Variants in HTR1F observed in about 807,000 individuals in gnomAD.
HTR1F encodes the protein 5-hydroxytryptamine receptor 1F.
A neutral mutation model predicts 24.0 loss-of-function variants in HTR1F; 17 were observed. The ratio of observed to expected loss-of-function variants is 0.71; its 90% CI spans 0.48 to 1.06. HTR1F has a LOEUF of 1.06. Ranked by LOEUF, HTR1F falls within the 50% of genes least tolerant of loss-of-function variation. HTR1F has a pLI of 0.00. For missense variants in HTR1F, 391 were observed against 427.8 expected, an observed-to-expected ratio of 0.91 and a Z score of 0.76; for synonymous variants, 186 against 156.8, an observed-to-expected ratio of 1.19 and a Z score of -1.39.
At chr3:87,861,191 A>G (rs76507473) in intron 2 of HTR1F, among the ~76,000 whole-genome samples, 1 of 152,102 alleles carries the variant, frequency 6.6e-6, no homozygotes, top group Non-Finnish European at 1.5e-5. Context: ...TCAAATAGGA[A>G]ACAATTATAT....
intron 1 of HTR1F, among the ~76,000 whole-genome samples, chr3:87,809,169 T>G (rs932834266): frequency 1.8e-4 from 28 of 151,798 alleles, no homozygotes; most frequent in African/African-American, 6.8e-4. Context: ...TATCATCACA[T>G]AAAAGATGGA....
intron 1 of HTR1F, among the ~76,000 whole-genome samples, chr3:87,803,974 A>T (rs1704033970): frequency 6.6e-6 from 1 of 152,158 alleles, no homozygotes; most frequent in Non-Finnish European, 1.5e-5. Flanking sequence ...AACTGGGCGT[A>T]CAAATCCACA....
At chr3:87,933,378 A>T (rs1185265697) in intron 2 of HTR1F, among the ~76,000 whole-genome samples, 1 of 152,004 alleles carries the variant, frequency 6.6e-6, no homozygotes, top group South Asian at 2.1e-4. Flanking sequence ...AGAAGGAAAT[A>T]AAGGGTATTC....
chr3:87,953,958 A>AACTT (rs2107466782), intron 2 of HTR1F, among the ~76,000 whole-genome samples: 1 of 151,908 alleles, frequency 6.6e-6, no homozygotes, highest in South Asian at 2.1e-4. Context: ...TCAATGTTCT[A>AACTT]ACTTACATGT....
chr3:87,955,844 G>A (rs1704932126), intron 2 of HTR1F, among the ~76,000 whole-genome samples: 2 of 151,216 alleles, frequency 1.3e-5, no homozygotes, highest in African/African-American at 4.8e-5. Flanking sequence ...CTTTTGTGAG[G>A]TATCTGTTTA....
intron 2 of HTR1F, among the ~76,000 whole-genome samples, chr3:87,984,030 T>G (rs763409924): frequency 6.6e-6 from 1 of 152,202 alleles, no homozygotes; most frequent in African/African-American, 2.4e-5. Flanking sequence ...TACCATGGCA[T>G]GCAAGCCTCC....
chr3:87,878,400 T>C (rs1353369421), intron 2 of HTR1F, among the ~76,000 whole-genome samples: 1 of 152,176 alleles, frequency 6.6e-6, no homozygotes, highest in Non-Finnish European at 1.5e-5. Context: ...AAATGTCCAA[T>C]TGAAACAGAA....
chr3:87,983,749 C>T (rs754834240), intron 2 of HTR1F, among the ~76,000 whole-genome samples: 24 of 152,126 alleles, frequency 1.6e-4, no homozygotes, highest in Non-Finnish European at 1.9e-4. Flanking sequence ...GCAATATAAA[C>T]CCTAAATTTC....
intron 2 of HTR1F, among the ~76,000 whole-genome samples, chr3:87,827,404 TTTTC>T (rs1057264545): frequency 6.6e-6 from 1 of 152,176 alleles, no homozygotes; most frequent in African/African-American, 2.4e-5. Context: ...CTTATCTGAA[TTTTC>T]TTTGTCAAAC....
intron 2 of HTR1F, among the ~76,000 whole-genome samples, chr3:87,953,884 C>A (rs561160733): frequency 6.6e-6 from 1 of 151,810 alleles, no homozygotes; most frequent in Admixed American, 6.6e-5. Flanking sequence ...TCATTTGCAG[C>A]AACATGGATG....
intron 2 of HTR1F, among the ~76,000 whole-genome samples, chr3:87,898,676 T>C (rs981467657): frequency 2.1e-5 from 3 of 145,240 alleles, no homozygotes; most frequent in African/African-American, 8.4e-5. Flanking sequence ...TAGTTAGATA[T>C]AGTAGCTGAC....
chr3:87,957,764 A>T (rs941537536), intron 2 of HTR1F, among the ~76,000 whole-genome samples: 1 of 151,102 alleles, frequency 6.6e-6, no homozygotes, highest in South Asian at 2.1e-4. Context: ...TTCATTTCTG[A>T]TATTGCTGAT....
At chr3:87,962,883 T>G (rs182192352) in intron 2 of HTR1F, among the ~76,000 whole-genome samples, 202 of 152,152 alleles carry the variant, frequency 1.3e-3, no homozygotes, top group African/African-American at 4.5e-3. Context: ...TCACCAGATA[T>G]TCTCTCTTTG....
intron 2 of HTR1F, among the ~76,000 whole-genome samples, chr3:87,924,532 TTTC>T (rs1704081198): frequency 6.6e-6 from 1 of 152,068 alleles, no homozygotes; most frequent in Non-Finnish European, 1.5e-5. Context: ...GATCTAAGAG[TTTC>T]TTAAGTATTT....
intron 2 of HTR1F, among the ~76,000 whole-genome samples, chr3:87,899,106 T>C (rs564885609): frequency 6.6e-6 from 1 of 152,196 alleles, no homozygotes; most frequent in Non-Finnish European, 1.5e-5. Context: ...TCTTTCAGCC[T>C]TATGAATTTT....
At chr3:87,849,876 A>G (rs1705041067) in intron 2 of HTR1F, among the ~76,000 whole-genome samples, 1 of 151,990 alleles carries the variant, frequency 6.6e-6, no homozygotes, top group Non-Finnish European at 1.5e-5. Flanking sequence ...ATCACTGGCC[A>G]TCAGAGAAAT....
At chr3:87,859,354 A>T (rs570393313) in intron 2 of HTR1F, among the ~76,000 whole-genome samples, 7 of 152,328 alleles carry the variant, frequency 4.6e-5, no homozygotes, top group African/African-American at 1.4e-4. Context: ...GGTTCTGGGG[A>T]TAGGACAAGA....
At chr3:87,865,088 C>G (rs1290715906) in intron 2 of HTR1F, among the ~76,000 whole-genome samples, 4 of 151,944 alleles carry the variant, frequency 2.6e-5, no homozygotes, top group Non-Finnish European at 4.4e-5. Flanking sequence ...GAAGGTTAGT[C>G]TAAGGGTTGA....
In HTR1F at chr3:87,827,612, A is replaced by G. The variant is rs561472931; in HGVS notation, c.-43+5488A>G. Among the ~76,000 whole-genome samples, 11 of 152,332 alleles carry G rather than the reference A, an allele frequency of 7.2e-5. No homozygotes were observed. In the East Asian group the frequency reaches 2.1e-3, roughly 29 times the overall value. ...GAAATTCTAAAGCCTTTATTTAAAAAATCCTTTGAAAAATTAATCATATTT... is the reference window on the plus strand; with the variant it reads ...GAAATTCTAAAGCCTTTATTTAAAAGATCCTTTGAAAAATTAATCATATTT... On this transcript the variant is annotated intron_variant, in intron 2 of 2. Transcript: ENST00000319595.
Sources: gnomAD v4.1 joint callset for allele counts (sites outside exome capture counted in the v4.1 genomes callset) on GRCh38, gnomAD v4.1.1 for gene constraint, MANE v1.5 for transcripts, NCBI Gene and HGNC (gene_info 2026-07-23, HGNC 2026-07-21) for gene names.